The following IL1RL2 variants were observed in gnomAD, a reference collection of about 807,000 sequenced individuals.
The protein encoded by IL1RL2 is interleukin 1 receptor like 2, also known as interleukin-1 receptor-like 2.
IL1RL2 carries 68 observed loss-of-function variants against 66.8 expected under a neutral mutation model. That is an observed-to-expected ratio of 1.02 (90% CI 0.84 to 1.25). The LOEUF is 1.25. IL1RL2 is among the 50% of genes most tolerant of loss of function. The probability of loss-of-function intolerance (pLI) is 0.00; values close to 1 mark genes in which losing one functional copy is unlikely to be tolerated. For missense variants in IL1RL2, 729 were observed against 709.3 expected (o/e 1.03, Z -0.32); for synonymous variants, 305 against 264.6 (o/e 1.15, Z -1.48).
chr2:102,228,941 A>G (rs1235896653), intron 9 of IL1RL2, among the ~76,000 whole-genome samples: 1 of 151,960 alleles, frequency 6.6e-6, no homozygotes, highest in African/African-American at 2.4e-5. Context: ...TGACTGCAAC[A>G]ACTTTCCCAT....
intron 6 of IL1RL2, among the ~76,000 whole-genome samples, chr2:102,212,553 C>A (rs1922292): frequency 0.32 from 48,720 of 151,928 alleles, 8,019 homozygotes; most frequent in East Asian, 0.39. Context: ...AGATATATTA[C>A]AGGAGTGAAA....
chr2:102,228,936 G>A (rs1690883709), intron 9 of IL1RL2, among the ~76,000 whole-genome samples: 1 of 152,078 alleles, frequency 6.6e-6, no homozygotes, highest in African/African-American at 2.4e-5. Flanking sequence ...AAGCTTGACT[G>A]CAACAACTTT....
chr2:102,222,560 T>A (rs1325802268), intron 8 of IL1RL2, among the ~76,000 whole-genome samples: 1 of 152,202 alleles, frequency 6.6e-6, no homozygotes, highest in Non-Finnish European at 1.5e-5. Context: ...ATTTCCCAGT[T>A]GTCACCTTCA....
At chr2:102,187,270 G>A (rs1686764368) in intron 1 of IL1RL2, 184 bp downstream of exon 1, 1 of 1,179,516 alleles carries the variant, frequency 8.5e-7, no homozygotes, top group Non-Finnish European at 1.1e-6. Context: ...GGGTCGAGGA[G>A]TGGAGCTCGC....
At chr2:102,220,694 TG>T (rs1690038002) in intron 8 of IL1RL2, among the ~76,000 whole-genome samples, 1 of 151,352 alleles carries the variant, frequency 6.6e-6, no homozygotes, top group African/African-American at 2.4e-5. Flanking sequence ...TGTGTGTGTG[TG>T]TGTGTGTTTG....
intron 8 of IL1RL2, among the ~76,000 whole-genome samples, chr2:102,224,090 C>T (rs1015573416): frequency 1.3e-5 from 2 of 152,152 alleles, no homozygotes; most frequent in African/African-American, 2.4e-5. Flanking sequence ...TACAACACGG[C>T]GTGGCCTAGG....
chr2:102,187,937 G>C lies in IL1RL2; in HGVS notation c.58+12G>C. On this transcript the variant is annotated intron_variant, in intron 2 of 11. Transcript: ENST00000264257. Reference sequence around the variant, plus strand: ...GTCTGTCACAGCAGGTACGTTCCGTGTGTCCTCCGTTCCCAGAGGCTGCCC... The same window carrying C: ...GTCTGTCACAGCAGGTACGTTCCGTCTGTCCTCCGTTCCCAGAGGCTGCCC... 1 of 1,613,300 alleles carries C rather than the reference G, an allele frequency of 6.2e-7. No homozygotes were observed. The highest frequency in any genetic ancestry group is 8.5e-7 in the Non-Finnish European group (1 of 1,179,338).
chr2:102,238,304 C>T (rs551189590), intron 11 of IL1RL2, among the ~76,000 whole-genome samples: 1 of 152,242 alleles, frequency 6.6e-6, no homozygotes, highest in East Asian at 1.9e-4. Flanking sequence ...TGAGTCGGCT[C>T]ATGAGAGAGG....
In IL1RL2 at chr2:102,189,537, A is replaced by G. The variant is rs1559524817; in HGVS notation, c.293+227A>G. ...CCCTATGGAAATGGCACCTCAGACC[A>G]GACCCACTCACAAAGTGTGTTTGTC... On this transcript the variant is annotated intron_variant, in intron 3 of 11. Transcript: ENST00000264257. Among the ~76,000 whole-genome samples the G allele has an allele frequency of 5.2e-5, 8 of 152,382 alleles. No homozygotes were observed. The South Asian group carries it at 1.7e-3, about 32-fold the overall frequency.
At chr2:102,222,110 T>A (rs1169858172) in intron 8 of IL1RL2, among the ~76,000 whole-genome samples, 1 of 152,226 alleles carries the variant, frequency 6.6e-6, no homozygotes, top group Admixed American at 6.5e-5. Flanking sequence ...CAATTTATTT[T>A]TGCCTGTTTT....
chr2:102,188,051 C>T (rs1686853915), intron 2 of IL1RL2, 126 bp downstream of exon 2: 2 of 832,584 alleles, frequency 2.4e-6, no homozygotes, highest in South Asian at 1.4e-5. Flanking sequence ...GACCGCCAGG[C>T]GGAGTTCCGC....
At position 102,201,683 on chromosome 2, in the gene IL1RL2, A is replaced by G; in HGVS notation, c.617A>G (p.Tyr206Cys). 1 of 1,614,074 alleles carries G rather than the reference A, an allele frequency of 6.2e-7. No homozygotes were observed. The highest frequency in any genetic ancestry group is 8.5e-7 in the Non-Finnish European group (1 of 1,179,964). Residue 206 changes from tyrosine (Y) to cysteine (C), a missense_variant, in exon 5 of 12, where the codon TAC becomes TGC. By Grantham distance (194) the Tyr-to-Cys change is radical. Coordinates refer to ENST00000264257, the MANE Select transcript of IL1RL2 (RefSeq NM_003854.4). The stretch of plus-strand genomic sequence containing the variant: ...ATACTGACACACTCAGGGAAGCAGT[A>G]CGAGGTTTTAAATGGCATCACTGTG... ...QAILTHSGKQ[Y>C]EVLNGITVSI...
intron 11 of IL1RL2, among the ~76,000 whole-genome samples, chr2:102,237,307 C>G (rs1454897995): frequency 6.6e-6 from 1 of 152,200 alleles, no homozygotes; most frequent in Non-Finnish European, 1.5e-5. Flanking sequence ...CTTTGCGGTC[C>G]AGATCTTACT....
intron 9 of IL1RL2, among the ~76,000 whole-genome samples, chr2:102,226,285 C>T (rs184301028): frequency 6.6e-6 from 1 of 152,320 alleles, no homozygotes; most frequent in East Asian, 1.9e-4. Context: ...AGGAGGAGAT[C>T]ATCTTCTAAG....
chr2:102,203,665 C>T (rs1029965473), intron 5 of IL1RL2, among the ~76,000 whole-genome samples: 1 of 151,920 alleles, frequency 6.6e-6, no homozygotes, highest in Non-Finnish European at 1.5e-5. Flanking sequence ...TAGGAATTTG[C>T]CCATTTCTTC....
rs1425359000 is a variant in IL1RL2, at chr2:102,197,935, T to A, written c.490-3621T>A. On this transcript the variant is annotated intron_variant, in intron 4 of 11. Transcript: ENST00000264257. ...GTAGCGGCTCTCAGGGCAAGCTACTTCTGCAGTGTGGTTCTGGCCTCGATG... is the reference window on the plus strand; with the variant it reads ...GTAGCGGCTCTCAGGGCAAGCTACTACTGCAGTGTGGTTCTGGCCTCGATG... Among the ~76,000 whole-genome samples, 5 of 152,206 alleles carry A rather than the reference T, an allele frequency of 3.3e-5. No homozygotes were observed. In the East Asian group the frequency reaches 9.6e-4, roughly 29 times the overall value.
At chr2:102,222,928 C>G (rs927060090) in intron 8 of IL1RL2, among the ~76,000 whole-genome samples, 1 of 152,204 alleles carries the variant, frequency 6.6e-6, no homozygotes, top group African/African-American at 2.4e-5. Flanking sequence ...ATAATATAGA[C>G]TGAAGCTGAC....
rs1689947811 is a variant in IL1RL2, at chr2:102,219,892, C to T, written c.866C>T (p.Ser289Phe). Residue 289 changes from serine (S) to phenylalanine (F), a missense_variant, in exon 8 of 12, where the codon TCT (serine) becomes TTT (phenylalanine). Ser to Phe is a radical substitution (Grantham distance 155, BLOSUM62 -2). Coordinates refer to ENST00000264257, the MANE Select transcript of IL1RL2 (RefSeq NM_003854.4). ...CTTTTCTTTTATAGAACCCATGTCT[C>T]TTTTCGGGAACATAATTTGTACACA... ...RIREGVETHV[S>F]FREHNLYTVN... The T allele has an allele frequency of 6.2e-7, 1 of 1,609,448 alleles. No homozygotes were observed. Among genetic ancestry groups the T allele is most frequent in the Non-Finnish European group, 8.5e-7 (1 of 1,176,048 alleles).
intron 4 of IL1RL2, among the ~76,000 whole-genome samples, chr2:102,198,329 A>G (rs1376688134): frequency 2.6e-5 from 4 of 152,186 alleles, no homozygotes; most frequent in Non-Finnish European, 5.9e-5. Flanking sequence ...TTGAAAACTG[A>G]AAGTCCCCAG....
Sources: allele counts gnomAD v4.1 joint callset (sites outside exome capture counted in the v4.1 genomes callset), GRCh38; gene constraint gnomAD v4.1.1; transcripts MANE v1.5; gene names NCBI Gene and HGNC (gene_info 2026-07-23, HGNC 2026-07-21).